The following NIPAL3 variants were observed in gnomAD, a reference collection of about 807,000 sequenced individuals.
NIPAL3 encodes NIPA-like protein 3.
In NIPAL3, 41 loss-of-function variants were observed where a neutral mutation model predicts 47.2. The observed-to-expected ratio is 0.87, with a 90% CI of 0.68 to 1.13. The LOEUF (loss-of-function observed/expected upper bound fraction) is 1.13, where lower values mean the gene tolerates loss of function less well. Among genes scored for constraint, NIPAL3 ranks in the 50% most tolerant of loss-of-function variants. The pLI, the probability that NIPAL3 is intolerant of heterozygous loss-of-function variation, is 0.00. For missense variants in NIPAL3, 449 were observed against 530.1 expected (o/e 0.85, Z 1.50); for synonymous variants, 194 against 209.6 (o/e 0.93, Z 0.64).
At position 24,451,509 on chromosome 1, in the gene NIPAL3, A is replaced by G. The variant is rs1314053101; in HGVS notation, c.540+1883A>G. On this transcript the variant is annotated intron_variant, in intron 6 of 11. Transcript: ENST00000374399. This position sits in a 1 kb window ranked among gnomAD's most constrained non-coding sequence, Gnocchi z 4.5. ...CCAGGAACTTGAGACCAGTGTGGGC[A>G]ATGTGGCAAAACCCCGTCTCTATTT... 6.6e-6 allele frequency among the ~76,000 whole-genome samples: 1 copy of G among 152,054 alleles called. No individual in the cohort carries two copies. The highest frequency in any genetic ancestry group is 1.5e-5 in the Non-Finnish European group (1 of 68,016).
rs368300704 is a variant in NIPAL3 at position 24,458,844 on chromosome 1, C to T, written c.774-44C>T. The T allele has an allele frequency of 1.3e-5, 19 of 1,490,778 alleles. No homozygotes were observed. The East Asian group carries it at 1.4e-4, about 11-fold the overall frequency. 92.3% of individuals were successfully genotyped at this position (1,490,778 alleles called of 1,614,324 possible). A position where few individuals can be genotyped will look rare whatever the true frequency, so the allele number is the denominator to read the frequency against. The stretch of plus-strand genomic sequence containing the variant: ...TACTGTTGTCAGCTCTTAGCCTTTC[C>T]AACGTCTCCACAGCCCACTGACTGG... On this transcript the variant is annotated intron_variant, in intron 8 of 11. Coordinates refer to ENST00000374399, the MANE Select transcript of NIPAL3 (RefSeq NM_020448.5).
chr1:24,449,674 C>G lies in NIPAL3; in HGVS notation c.540+48C>G, dbSNP rs1174360971. 1.1e-5 allele frequency: 17 copies of G among 1,581,146 alleles called. No individual in the cohort carries two copies. Among genetic ancestry groups the G allele is most frequent in the Non-Finnish European group, 1.5e-5 (17 of 1,162,454 alleles). On this transcript the variant is annotated intron_variant, in intron 6 of 11. Transcript: ENST00000374399. This position sits in a 1 kb window ranked among gnomAD's most constrained non-coding sequence, Gnocchi z 4.5. Reference sequence around the variant, plus strand: ...CCCCCTGAGATGGCAGGAGGGAGATCAAGTCCTAGAAACCAGAAACGTGAA... The same window carrying G: ...CCCCCTGAGATGGCAGGAGGGAGATGAAGTCCTAGAAACCAGAAACGTGAA...
At chr1:24,460,316 G>A (rs184179269) in intron 9 of NIPAL3, among the ~76,000 whole-genome samples, 165 bp from the exon 10 acceptor site, 2 of 152,164 alleles carry the variant, frequency 1.3e-5, no homozygotes, top group Non-Finnish European at 1.5e-5. Flanking sequence ...TTGACAACCT[G>A]ATCCCCTAAA....
chr1:24,439,310 C>T (rs1314356874), intron 2 of NIPAL3, among the ~76,000 whole-genome samples: 3 of 152,002 alleles, frequency 2.0e-5, no homozygotes, highest in Non-Finnish European at 4.4e-5. Context: ...ATAAAAATGA[C>T]AAATTAGGTA....
rs529225120 is a variant in NIPAL3 at position 24,441,005 on chromosome 1, G to A, written c.162+765G>A. Among the ~76,000 whole-genome samples, 157 of 152,142 alleles carry A rather than the reference G, an allele frequency of 1.0e-3. 1 individual carries two copies. The highest frequency in any genetic ancestry group is 3.5e-3 in the African/African-American group (145 of 41,462). On this transcript the variant is annotated intron_variant, in intron 3 of 11. Transcript: ENST00000374399. ...GCCTCACTTTCCCCTTCCCTTACTC[G>A]TGCTCCCTGGAATTATCTCATACAG... is the stretch of plus-strand genomic sequence containing the variant.
Position 24,419,456 on chromosome 1 carries a change from A to G in NIPAL3, c.-92A>G, listed in dbSNP as rs1233110339. The G allele has an allele frequency of 3.6e-6, 5 of 1,398,542 alleles. No individual in the cohort carries two copies. Among genetic ancestry groups the G allele is most frequent in the Non-Finnish European group, 4.7e-6 (5 of 1,071,878 alleles). 86.6% of individuals were successfully genotyped at this position (1,398,542 alleles called of 1,614,324 possible). ...TGACGGCTGCTGGAGGGAGGTGAAC[A>G]CCACAAGGAGAGATGGCATCTGGCC... On this transcript the variant is annotated 5_prime_UTR_variant, in exon 2 of 12. Coordinates refer to ENST00000374399, the MANE Select transcript of NIPAL3 (RefSeq NM_020448.5).
At chr1:24,461,256 C>T (rs996591953) in intron 10 of NIPAL3, among the ~76,000 whole-genome samples, 7 of 152,102 alleles carry the variant, frequency 4.6e-5, no homozygotes, top group Non-Finnish European at 5.9e-5. Context: ...CAAAAAAAAT[C>T]ACAGGCTGGG....
chr1:24,435,143 C>A (rs1645042839), intron 2 of NIPAL3, among the ~76,000 whole-genome samples: 2 of 152,172 alleles, frequency 1.3e-5, no homozygotes, highest in Non-Finnish European at 2.9e-5. Flanking sequence ...ATGCTAAGAC[C>A]ATTCAATGGA....
At chr1:24,445,090 C>T in intron 4 of NIPAL3, 95 bp from the exon 5 acceptor site, 1 of 780,944 alleles carries the variant, frequency 1.3e-6, no homozygotes, top group Non-Finnish European at 2.2e-6. Flanking sequence ...GTACCAAGCT[C>T]CAATGCAAAG....
chr1:24,464,043 T>C lies in NIPAL3; in HGVS notation c.944T>C (p.Leu315Ser). Residue 315 changes from leucine to serine, a missense_variant, in exon 11 of 12, where the codon TTG becomes TCG. Transcript: ENST00000374399. Reference sequence around the variant, plus strand: ...TTCCGCAGGTGCCTCATTGCATTCTTGGGCGTCTTCTTAATCACGCGTAAC... The same window carrying C: ...TTCCGCAGGTGCCTCATTGCATTCTCGGGCGTCTTCTTAATCACGCGTAAC... ...MFALGCLIAF[L>S]GVFLITRNRK... 5 of 1,612,710 alleles carry C rather than the reference T, an allele frequency of 3.1e-6. No homozygotes were observed.
At position 24,468,980 on chromosome 1, in the gene NIPAL3, T is replaced by C. The variant is rs1170474788; in HGVS notation, c.1022-6T>C. The C allele has an allele frequency of 1.9e-6, 3 of 1,613,770 alleles. No homozygotes were observed. The highest frequency in any genetic ancestry group is 2.5e-6 in the Non-Finnish European group (3 of 1,179,856). Reference sequence around the variant, plus strand: ...AATGATTTGGAGAAAATGGATTTCATTTCAGGTATGCAGAACATGCACGAT... The same window carrying C: ...AATGATTTGGAGAAAATGGATTTCACTTCAGGTATGCAGAACATGCACGAT... On this transcript the variant is annotated splice_polypyrimidine_tract_variant and splice_region_variant and intron_variant, in intron 11 of 11. Transcript: ENST00000374399.
chr1:24,461,542 C>CA (rs59058886), intron 10 of NIPAL3, among the ~76,000 whole-genome samples: 2,683 of 98,678 alleles, frequency 0.027, 81 homozygotes, highest in African/African-American at 0.073. Context: ...AATTCCGTCT[C>CA]AAAAAAAAAA....
intron 10 of NIPAL3, among the ~76,000 whole-genome samples, chr1:24,462,934 ATC>A (rs574992045): frequency 7.9e-5 from 12 of 152,366 alleles, no homozygotes; most frequent in African/African-American, 2.9e-4. Context: ...GCAAAACCCC[ATC>A]TCTACTAAAA....
At chr1:24,431,407 T>C (rs539280449) in intron 2 of NIPAL3, among the ~76,000 whole-genome samples, 43 of 152,260 alleles carry the variant, frequency 2.8e-4, no homozygotes, top group African/African-American at 9.4e-4. Flanking sequence ...TGGAAGGACA[T>C]GAAGATAGGT....
chr1:24,452,991 C>T (rs1385795327), intron 6 of NIPAL3, among the ~76,000 whole-genome samples: 9 of 151,958 alleles, frequency 5.9e-5, no homozygotes, highest in African/African-American at 1.7e-4. Flanking sequence ...TGTGAGCCAC[C>T]GTGCCTGGCC....
intron 5 of NIPAL3, among the ~76,000 whole-genome samples, chr1:24,447,501 A>G (rs1645725192): frequency 6.6e-6 from 1 of 152,144 alleles, no homozygotes; most frequent in Non-Finnish European, 1.5e-5. Flanking sequence ...AATCATTGAT[A>G]TAGAATAAGA....
intron 5 of NIPAL3, 60 bp downstream of exon 5, chr1:24,445,304 A>G (rs1645606545): frequency 1.7e-6 from 2 of 1,211,072 alleles, no homozygotes; most frequent in East Asian, 4.7e-5. Flanking sequence ...TATTAATTGT[A>G]AAACCAGTTC....
At chr1:24,425,306 GA>G (rs1276102499) in intron 2 of NIPAL3, among the ~76,000 whole-genome samples, 1 of 142,210 alleles carries the variant, frequency 7.0e-6, no homozygotes, top group Admixed American at 7.4e-5. Context: ...AACATTATGA[GA>G]TTTTTTTTGC....
chr1:24,458,711 A>G (rs1451649725), intron 8 of NIPAL3, among the ~76,000 whole-genome samples, 177 bp from the exon 9 acceptor site: 1 of 152,100 alleles, frequency 6.6e-6, no homozygotes, highest in Non-Finnish European at 1.5e-5. Context: ...GGAATCAAGT[A>G]TGGGCCCCAG....
Sources: gnomAD v4.1 joint callset for allele counts (sites outside exome capture counted in the v4.1 genomes callset) on GRCh38, gnomAD v4.1.1 for gene constraint, Gnocchi (gnomAD v3.1) non-coding constraint, MANE v1.5 for transcripts, NCBI Gene and HGNC (gene_info 2026-07-23, HGNC 2026-07-21) for gene names.